TSHZ2: variants seen among roughly 807,000 people sequenced by gnomAD.
The protein encoded by TSHZ2 is teashirt homolog 2.
A neutral mutation model predicts 74.4 loss-of-function variants in TSHZ2; 21 were observed. The ratio of observed to expected loss-of-function variants is 0.28; its 90% CI spans 0.20 to 0.41. TSHZ2 has a LOEUF of 0.41. Ranked by LOEUF, TSHZ2 falls within the 10% of genes least tolerant of loss-of-function variation. TSHZ2 has a pLI of 1.00. For missense variants in TSHZ2, 1,244 were observed against 1,293.5 expected (o/e 0.96, Z 0.59); for synonymous variants, 540 against 515.3 (o/e 1.05, Z -0.65).
intron 1 of TSHZ2, among the ~76,000 whole-genome samples, chr20:53,192,953 G>T (rs1030858996): frequency 1.3e-5 from 2 of 152,160 alleles, no homozygotes; most frequent in Non-Finnish European, 2.9e-5. Flanking sequence ...AGTTCAAAGT[G>T]GGAATCTTCT....
intron 1 of TSHZ2, among the ~76,000 whole-genome samples, chr20:53,028,161 G>A (rs1983515213): frequency 5.3e-5 from 8 of 152,096 alleles, no homozygotes; most frequent in Admixed American, 5.2e-4. Flanking sequence ...GCAGACATGT[G>A]GGTACCAAGT....
Position 53,489,135 on chromosome 20 carries a change from CG to C in TSHZ2, c.*2004del, listed in dbSNP as rs1986379125. The C allele has an allele frequency of 4.4e-6, 2 of 456,060 alleles. No individual in the cohort carries two copies. Among genetic ancestry groups the C allele is most frequent in the African/African-American group, 2.0e-5 (1 of 50,026 alleles). 28.3% of individuals were successfully genotyped at this position (456,060 alleles called of 1,614,324 possible). A position where few individuals can be genotyped will look rare whatever the true frequency, so the allele number is the denominator to read the frequency against. On this transcript the variant is annotated 3_prime_UTR_variant, in exon 3 of 3. Coordinates refer to ENST00000371497, the MANE Select transcript of TSHZ2 (RefSeq NM_173485.6). ...ACAAGGAAAAATAGCAACAGTACAA[CG>C]GGGTGGCTTTTATGGGATTTACTCA...
At chr20:53,344,560 G>A (rs754045240) in intron 2 of TSHZ2, among the ~76,000 whole-genome samples, 11 of 151,984 alleles carry the variant, frequency 7.2e-5, no homozygotes, top group Non-Finnish European at 1.3e-4. Flanking sequence ...ATGAGAGAGC[G>A]AATGACAAAG....
At chr20:53,163,456 A>ATTTTT (rs571826225) in intron 1 of TSHZ2, among the ~76,000 whole-genome samples, 2 of 94,588 alleles carry the variant, frequency 2.1e-5, no homozygotes, top group Non-Finnish European at 4.2e-5. Flanking sequence ...ATTTTATTTT[A>ATTTTT]TTTTTTTTTA....
chr20:53,280,413 C>T (rs1475193831), intron 2 of TSHZ2, among the ~76,000 whole-genome samples: 4 of 152,022 alleles, frequency 2.6e-5, no homozygotes, highest in Admixed American at 6.6e-5. Context: ...GCAAAATAAG[C>T]GAATTAATAC....
chr20:53,223,384 G>T (rs1989608643), intron 1 of TSHZ2, among the ~76,000 whole-genome samples: 2 of 152,148 alleles, frequency 1.3e-5, no homozygotes, highest in South Asian at 4.2e-4. Context: ...CTCAAAAACT[G>T]ACCCACTCCA....
At chr20:53,222,089 T>C (rs146988750) in intron 1 of TSHZ2, among the ~76,000 whole-genome samples, 1 of 152,294 alleles carries the variant, frequency 6.6e-6, no homozygotes, top group African/African-American at 2.4e-5. Flanking sequence ...TCTTATAATA[T>C]TTAGGCTAAA....
At chr20:53,450,788 C>T (rs1183119256) in intron 2 of TSHZ2, among the ~76,000 whole-genome samples, 3 of 152,182 alleles carry the variant, frequency 2.0e-5, no homozygotes, top group African/African-American at 7.2e-5. Flanking sequence ...TCTCAAAGTG[C>T]TGGGATTACA....
At chr20:53,356,550 C>T (rs1980854162) in intron 2 of TSHZ2, among the ~76,000 whole-genome samples, 1 of 152,180 alleles carries the variant, frequency 6.6e-6, no homozygotes, top group Non-Finnish European at 1.5e-5. Flanking sequence ...GCAGCTAGTA[C>T]TGCTTGAACA....
At chr20:53,421,926 C>T (rs1983488961) in intron 2 of TSHZ2, among the ~76,000 whole-genome samples, 1 of 151,920 alleles carries the variant, frequency 6.6e-6, no homozygotes, top group African/African-American at 2.4e-5. Context: ...TGTGATCCAC[C>T]CGCCTCGGCC....
chr20:53,142,572 T>G (rs986081532), intron 1 of TSHZ2, among the ~76,000 whole-genome samples: 3 of 152,232 alleles, frequency 2.0e-5, no homozygotes, highest in Non-Finnish European at 2.9e-5. Flanking sequence ...GGGGCTATGT[T>G]ACCTGAACCA....
chr20:53,484,495 CA>C (rs1488921640), intron 2 of TSHZ2, among the ~76,000 whole-genome samples: 1 of 151,306 alleles, frequency 6.6e-6, no homozygotes, highest in Non-Finnish European at 1.5e-5. Context: ...AAGCGATTCT[CA>C]TGCCTCAGCC....
intron 1 of TSHZ2, among the ~76,000 whole-genome samples, chr20:53,221,712 C>G (rs938169436): frequency 6.6e-6 from 1 of 152,142 alleles, no homozygotes; most frequent in Non-Finnish European, 1.5e-5. Context: ...CCCTCCTAAA[C>G]GTGTTTGAGA....
intron 1 of TSHZ2, among the ~76,000 whole-genome samples, chr20:52,984,754 A>G (rs1981691474): frequency 6.6e-6 from 1 of 152,180 alleles, no homozygotes; most frequent in African/African-American, 2.4e-5. Flanking sequence ...AGAGGCGTCT[A>G]CATCAATGCA....
chr20:53,108,948 C>T (rs1202157268), intron 1 of TSHZ2, among the ~76,000 whole-genome samples: 1 of 152,132 alleles, frequency 6.6e-6, no homozygotes, highest in African/African-American at 2.4e-5. Flanking sequence ...CTCCCTTCTG[C>T]CCCTCCACCC....
intron 2 of TSHZ2, chr20:53,399,009 A>G (rs1982557991): frequency 6.6e-6 from 1 of 152,198 alleles, no homozygotes; most frequent in African/African-American, 2.4e-5. Flanking sequence ...AGACTGTGAA[A>G]CCTATTTTGA....
chr20:52,991,231 G>A (rs1415849372), intron 1 of TSHZ2, among the ~76,000 whole-genome samples: 2 of 150,544 alleles, frequency 1.3e-5, no homozygotes, highest in Non-Finnish European at 3.0e-5. Context: ...TATGTTGTGG[G>A]TATTAGTGTG....
chr20:53,122,111 ACT>A (rs1986827016), intron 1 of TSHZ2, among the ~76,000 whole-genome samples: 1 of 151,738 alleles, frequency 6.6e-6, no homozygotes, highest in South Asian at 2.1e-4. Flanking sequence ...ACATGGAGAA[ACT>A]CTGTCTCTAC....
At chr20:53,035,937 A>G (rs1472752894) in intron 1 of TSHZ2, among the ~76,000 whole-genome samples, 1 of 152,242 alleles carries the variant, frequency 6.6e-6, no homozygotes, top group East Asian at 1.9e-4. Flanking sequence ...CATATTTGTT[A>G]GAATATCAGT....
Sources: gnomAD v4.1 joint callset for allele counts (sites outside exome capture counted in the v4.1 genomes callset) on GRCh38, gnomAD v4.1.1 for gene constraint, MANE v1.5 for transcripts, NCBI Gene and HGNC (gene_info 2026-07-23, HGNC 2026-07-21) for gene names.